VCAN: variants seen among roughly 807,000 people sequenced by gnomAD.
The protein encoded by VCAN is versican.
A neutral mutation model predicts 245.5 loss-of-function variants in VCAN; 44 were observed. The ratio of observed to expected loss-of-function variants is 0.18; its 90% CI spans 0.14 to 0.23. The LOEUF is 0.23. Among genes scored for constraint, VCAN ranks in the 10% least tolerant of loss-of-function variants. The pLI is 1.00. For missense variants in VCAN, 3,793 were observed against 4,057.9 expected, an observed-to-expected ratio of 0.93 and a Z score of 1.77; for synonymous variants, 1,413 against 1,437.0, an observed-to-expected ratio of 0.98 and a Z score of 0.38.
chr5:83,511,118 G>A (rs1176190141), intron 5 of VCAN, among the ~76,000 whole-genome samples: 2 of 151,850 alleles, frequency 1.3e-5, no homozygotes, highest in East Asian at 3.9e-4. Context: ...TGGGGCCCGA[G>A]TGAGTGGGGT....
In VCAN at chr5:83,520,754, G is replaced by T. The variant is rs371816928; in HGVS notation, c.2448G>T (p.Glu816Asp). Residue 816 changes from glutamate to aspartate, a missense_variant, in exon 7 of 15, where the codon GAG (glutamate) becomes GAT (aspartate). Glu to Asp is a conservative substitution (Grantham distance 45). Around this residue, in one of 5 missense-constraint regions of VCAN, gnomAD observed 3,182 missense variants for 3,250.3 expected, o/e 0.98. Transcript: ENST00000265077. Reference protein sequence around the residue: ...DEDNTTSKPLESTEPSASSKL... With the variant: ...DEDNTTSKPLDSTEPSASSKL... ...ATAATACAACATCCAAGCCTTTAGA[G>T]TCTACAGAACCTTCAGCCTCTTCAA... The T allele has an allele frequency of 6.2e-7, 1 of 1,614,140 alleles. No individual in the cohort carries two copies. Among genetic ancestry groups the T allele is most frequent in the Middle Eastern group, 1.6e-4 (1 of 6,062 alleles).
chr5:83,551,460 C>T lies in VCAN; in HGVS notation c.9494-1904C>T, dbSNP rs139900934. ...CCGAGAAGCAGAGGTTGCAGTGAGC[C>T]AAGATCATGCCACTGCACTCCAGCC... On this transcript the variant is annotated intron_variant, in intron 10 of 14. Transcript: ENST00000265077. Among the ~76,000 whole-genome samples, 906 of 151,126 alleles carry T rather than the reference C, an allele frequency of 6.0e-3. 5 individuals carry two copies. Among genetic ancestry groups the T allele is most frequent in the Non-Finnish European group, 0.01 (706 of 67,726 alleles).
intron 5 of VCAN, among the ~76,000 whole-genome samples, chr5:83,509,328 C>G (rs1357427911): frequency 1.3e-5 from 2 of 152,164 alleles, no homozygotes; most frequent in Non-Finnish European, 1.5e-5. Flanking sequence ...TAAGAGAATT[C>G]TCTTTGTAAC....
chr5:83,484,727 A>T (rs1744736898), intron 2 of VCAN, among the ~76,000 whole-genome samples: 1 of 152,204 alleles, frequency 6.6e-6, no homozygotes, highest in Non-Finnish European at 1.5e-5. Flanking sequence ...GGAGACCAGC[A>T]ATAAACAAGT....
At chr5:83,568,357 G>A (rs911580356) in intron 12 of VCAN, among the ~76,000 whole-genome samples, 5 of 152,126 alleles carry the variant, frequency 3.3e-5, no homozygotes, top group East Asian at 1.9e-4. Flanking sequence ...AGACATTCTT[G>A]TAAAAACCAC....
At chr5:83,484,818 T>C (rs781638073) in intron 2 of VCAN, among the ~76,000 whole-genome samples, 24 of 152,234 alleles carry the variant, frequency 1.6e-4, no homozygotes, top group Non-Finnish European at 2.2e-4. Context: ...TTGGGGGAAG[T>C]TGATAAGACC....
intron 5 of VCAN, among the ~76,000 whole-genome samples, chr5:83,497,613 T>C (rs1443115259): frequency 6.6e-6 from 1 of 152,178 alleles, no homozygotes; most frequent in East Asian, 1.9e-4. Context: ...ATTAAGAAAT[T>C]AATGGAATTA....
At position 83,580,406 on chromosome 5, in the gene VCAN, G is replaced by A; in HGVS notation, c.10163G>A (p.Ser3388Asn). ...ACATCCAAACATGATCATCGTTGGA[G>A]CCGGAGGTGGCAGGAGTCGAGGCGC... ...INTSKHDHRW[S>N]RRWQESRR Residue 3388 changes from serine to asparagine, a missense_variant, in exon 15 of 15, where the codon AGC (serine) becomes AAC (asparagine). This residue lies in a region of VCAN where 37 missense variants were observed against 28.2 expected (regional missense o/e 1.31). Transcript: ENST00000265077. The A allele has an allele frequency of 6.2e-7, 1 of 1,613,896 alleles. No homozygotes were observed. The highest frequency in any genetic ancestry group is 1.3e-5 in the African/African-American group (1 of 75,020).
At chr5:83,551,514 A>G (rs1352367403) in intron 10 of VCAN, among the ~76,000 whole-genome samples, 1 of 152,158 alleles carries the variant, frequency 6.6e-6, no homozygotes, top group Non-Finnish European at 1.5e-5. Flanking sequence ...TCCACCACAA[A>G]AAAAATAAAA....
chr5:83,519,576 C>G lies in VCAN; in HGVS notation c.1270C>G (p.Pro424Ala). 1 of 1,614,142 alleles carries G rather than the reference C, an allele frequency of 6.2e-7. No individual in the cohort carries two copies. Among genetic ancestry groups the G allele is most frequent in the South Asian group, 1.1e-5 (1 of 91,086 alleles). The change falls in exon 7 of 15, where the codon CCC (proline) becomes GCC (alanine). Residue 424 changes from proline to alanine, a missense_variant. Transcript: ENST00000265077. ...CACAGATAGTTTAGCCACCAAATTA[C>G]CCACACCTACTGGCAGTACCAAGAA... ...AITDSLATKLPTPTGSTKKPW... is the reference protein window; with the variant it reads ...AITDSLATKLATPTGSTKKPW...
chr5:83,474,062 A>G (rs564202498), intron 1 of VCAN, among the ~76,000 whole-genome samples: 4 of 152,098 alleles, frequency 2.6e-5, no homozygotes, highest in Non-Finnish European at 5.9e-5. Context: ...TAAGAAAGAT[A>G]ATACACATAC....
intron 9 of VCAN, among the ~76,000 whole-genome samples, chr5:83,547,467 C>T (rs1747272437): frequency 6.6e-6 from 1 of 152,152 alleles, no homozygotes; most frequent in Admixed American, 6.6e-5. Context: ...ATAAAATTAT[C>T]ATGACTGTGT....
At chr5:83,491,194 G>GA (rs1744969462) in intron 3 of VCAN, among the ~76,000 whole-genome samples, 1 of 152,128 alleles carries the variant, frequency 6.6e-6, no homozygotes, top group South Asian at 2.1e-4. Context: ...ACAAAGCAAA[G>GA]AAAAATTGCT....
chr5:83,565,582 G>T (rs1748050694), intron 12 of VCAN, among the ~76,000 whole-genome samples: 1 of 152,114 alleles, frequency 6.6e-6, no homozygotes, highest in African/African-American at 2.4e-5. Flanking sequence ...TCTAAACAGT[G>T]TCTGACTCTT....
At chr5:83,551,032 ATT>A (rs1747445478) in intron 10 of VCAN, among the ~76,000 whole-genome samples, 1 of 150,636 alleles carries the variant, frequency 6.6e-6, no homozygotes. Flanking sequence ...AAATAAATGC[ATT>A]TTCCCAGTTT....
At chr5:83,535,985 G>C (rs968776687) in intron 7 of VCAN, 2 of 152,138 alleles carry the variant, frequency 1.3e-5, no homozygotes, top group African/African-American at 4.8e-5. Flanking sequence ...ACAGTTGAAT[G>C]CCTCTATGAT....
chr5:83,568,893 G>T (rs3105118), intron 12 of VCAN, among the ~76,000 whole-genome samples: 3 of 151,252 alleles, frequency 2.0e-5, no homozygotes, highest in Admixed American at 6.6e-5. Context: ...TATATACACA[G>T]ACACACACGC....
chr5:83,514,428 ATGTG>A (rs57400723), intron 6 of VCAN, among the ~76,000 whole-genome samples: 5 of 145,118 alleles, frequency 3.4e-5, no homozygotes, highest in African/African-American at 5.1e-5. Flanking sequence ...TTTAGTGTAT[ATGTG>A]TGTGTGTGTG....
chr5:83,548,282 C>G (rs559278461), intron 10 of VCAN, among the ~76,000 whole-genome samples, 198 bp downstream of exon 10: 2 of 152,220 alleles, frequency 1.3e-5, no homozygotes, highest in Admixed American at 1.3e-4. Flanking sequence ...TGCAGGCAGG[C>G]AAACTGAGCT....
Sources: allele counts gnomAD v4.1 joint callset (sites outside exome capture counted in the v4.1 genomes callset), GRCh38; gene constraint gnomAD v4.1.1; regional missense constraint gnomAD v4.1.1; transcripts MANE v1.5; gene names NCBI Gene and HGNC (gene_info 2026-07-23, HGNC 2026-07-21).